Variants in PTK2B observed in about 807,000 individuals in gnomAD.
PTK2B encodes the protein protein-tyrosine kinase 2-beta.
Under a neutral mutation model 142.9 loss-of-function variants are expected in PTK2B, and 71 were observed. The ratio of observed to expected loss-of-function variants is 0.50; its 90% CI spans 0.41 to 0.61. The LOEUF is 0.61. Ranked by LOEUF, PTK2B falls within the 20% of genes least tolerant of loss-of-function variation. The pLI is 0.00. For synonymous variants in PTK2B, 519 were observed against 503.4 expected (o/e 1.03, Z -0.42); for missense variants, 1,105 against 1,320.4 (o/e 0.84, Z 2.53).
chr8:27,413,441 C>T (rs1026727854), intron 2 of PTK2B, among the ~76,000 whole-genome samples: 6 of 152,188 alleles, frequency 3.9e-5, no homozygotes, highest in African/African-American at 1.4e-4. Flanking sequence ...CTGTCATATC[C>T]CTTTAGTCTC....
intron 3 of PTK2B, among the ~76,000 whole-genome samples, chr8:27,317,163 T>C (rs1328640591): frequency 6.6e-6 from 1 of 152,238 alleles, no homozygotes; most frequent in Non-Finnish European, 1.5e-5. Context: ...TTTTCAGAGC[T>C]AAGAAACCTT....
intron 3 of PTK2B, among the ~76,000 whole-genome samples, chr8:27,319,486 C>CA (rs1354536548): frequency 2.0e-5 from 3 of 150,878 alleles, no homozygotes; most frequent in East Asian, 1.9e-4. Flanking sequence ...ACTAAAAATA[C>CA]AAAAAAAATT....
At chr8:27,413,766 A>C (rs1809210610) in intron 2 of PTK2B, among the ~76,000 whole-genome samples, 1 of 152,202 alleles carries the variant, frequency 6.6e-6, no homozygotes, top group African/African-American at 2.4e-5. Context: ...CCTATTCATC[A>C]TCAAACCTCC....
chr8:27,392,448 T>C (rs1000560509), intron 1 of PTK2B, among the ~76,000 whole-genome samples: 3 of 152,192 alleles, frequency 2.0e-5, no homozygotes, highest in Non-Finnish European at 4.4e-5. Flanking sequence ...TCCCACTTTA[T>C]TGCTTACGAG....
At chr8:27,421,137 A>AAGCTGTTTCCTCTGCTGTAAAATTAC (rs1809721156) in intron 4 of PTK2B, among the ~76,000 whole-genome samples, 1 of 152,174 alleles carries the variant, frequency 6.6e-6, no homozygotes, top group Non-Finnish European at 1.5e-5. Flanking sequence ...TACTTGCATG[A>AAGCTGTTTCCTCTGCTGTAAAATTAC]AGCTGTTTCC....
chr8:27,455,094 G>A (rs1376514258), intron 30 of PTK2B, among the ~76,000 whole-genome samples: 2 of 152,138 alleles, frequency 1.3e-5, no homozygotes, highest in East Asian at 3.9e-4. Context: ...CCCCAAAGAT[G>A]TCCACATCCT....
intron 2 of PTK2B, 97 bp downstream of exon 2, chr8:27,397,885 T>G: frequency 7.3e-7 from 1 of 1,375,342 alleles, no homozygotes; most frequent in Non-Finnish European, 1.0e-6. Flanking sequence ...CTCTCCCATA[T>G]CCACCCCTGG....
intron 13 of PTK2B, among the ~76,000 whole-genome samples, chr8:27,434,864 G>T (rs772738773): frequency 3.2e-4 from 48 of 152,114 alleles, no homozygotes; most frequent in Non-Finnish European, 5.6e-4. Flanking sequence ...GATGGGCATG[G>T]TGGCATGTGC....
chr8:27,353,481 A>G (rs181042790), intron 1 of PTK2B, among the ~76,000 whole-genome samples: 17 of 152,304 alleles, frequency 1.1e-4, no homozygotes, highest in Non-Finnish European at 2.1e-4. Flanking sequence ...TGGCCTAACT[A>G]TGCCCTCACA....
chr8:27,334,525 T>C (rs564640707), intron 1 of PTK2B, among the ~76,000 whole-genome samples: 1 of 152,306 alleles, frequency 6.6e-6, no homozygotes, highest in East Asian at 1.9e-4. Flanking sequence ...CTTCTGGGCT[T>C]CTTTGCATCC....
chr8:27,362,000 C>G (rs2130780517), intron 1 of PTK2B, among the ~76,000 whole-genome samples: 1 of 152,322 alleles, frequency 6.6e-6, no homozygotes, highest in East Asian at 1.9e-4. Context: ...CCGATCGTGC[C>G]CTGTCTGATG....
chr8:27,355,304 C>T (rs1805332877), intron 1 of PTK2B, among the ~76,000 whole-genome samples: 1 of 151,896 alleles, frequency 6.6e-6, no homozygotes, highest in Admixed American at 6.6e-5. Flanking sequence ...ACAACAGAAG[C>T]AGAAGTCAGA....
intron 1 of PTK2B, chr8:27,327,031 C>G (rs1353835705): frequency 6.6e-6 from 1 of 152,366 alleles, no homozygotes. Context: ...GGAGGGCGTC[C>G]TGGCAGAAGT....
At chr8:27,450,643 A>T in intron 24 of PTK2B, 106 bp from the exon 25 acceptor site, 1 of 1,404,172 alleles carries the variant, frequency 7.1e-7, no homozygotes. Flanking sequence ...GCAGCTGGCC[A>T]GGCCAAGGCT....
At chr8:27,379,419 G>A (rs1434986511) in intron 1 of PTK2B, among the ~76,000 whole-genome samples, 1 of 152,124 alleles carries the variant, frequency 6.6e-6, no homozygotes, top group African/African-American at 2.4e-5. Flanking sequence ...GTAGAGATAG[G>A]AGTCTTGCCT....
chr8:27,359,533 CGT>C (rs1805580883), intron 1 of PTK2B, among the ~76,000 whole-genome samples: 2 of 152,126 alleles, frequency 1.3e-5, no homozygotes, highest in Admixed American at 1.3e-4. Context: ...TTGTATGGAT[CGT>C]CACTGTGAAT....
upstream of PTK2B, among the ~76,000 whole-genome samples, chr8:27,324,339 G>A (rs1467061828): frequency 6.6e-6 from 1 of 152,198 alleles, no homozygotes; most frequent in Non-Finnish European, 1.5e-5. Flanking sequence ...GGGTGGGGGG[G>A]CTCCAGCTGT....
rs137922807 is a variant in PTK2B, at chr8:27,431,165, A to C, written c.810+149A>C. On this transcript the variant is annotated intron_variant, in intron 8 of 30. Coordinates refer to ENST00000346049, the MANE Select transcript of PTK2B (RefSeq NM_173176.3). Reference sequence around the variant, plus strand: ...GCTGACCTGCCGTCGGTGGAAGTCAAAAGCATCCCCTTGCCTGAAGCAGGC... The same window carrying C: ...GCTGACCTGCCGTCGGTGGAAGTCACAAGCATCCCCTTGCCTGAAGCAGGC... 72 of 1,478,582 alleles carry C rather than the reference A, an allele frequency of 4.9e-5. No homozygotes were observed. The African/African-American group carries it at 8.8e-4, about 18-fold the overall frequency. 91.6% of individuals were successfully genotyped at this position (1,478,582 alleles called of 1,614,324 possible).
At chr8:27,381,809 C>T (rs1045826054) in intron 1 of PTK2B, among the ~76,000 whole-genome samples, 2 of 152,244 alleles carry the variant, frequency 1.3e-5, no homozygotes, top group Admixed American at 6.5e-5. Context: ...TCAACATCCT[C>T]ACCAGCATTT....
Sources: allele counts gnomAD v4.1 joint callset (sites outside exome capture counted in the v4.1 genomes callset), GRCh38; gene constraint gnomAD v4.1.1; transcripts MANE v1.5; gene names NCBI Gene and HGNC (gene_info 2026-07-23, HGNC 2026-07-21).